Variants in RCVRN observed in about 807,000 individuals in gnomAD.
RCVRN encodes cancer associated retinopathy antigen.
Under a neutral mutation model 20.4 loss-of-function variants are expected in RCVRN, and 23 were observed. The ratio of observed to expected loss-of-function variants is 1.13; its 90% CI spans 0.81 to 1.60. The LOEUF is 1.60. Ranked by LOEUF, RCVRN falls within the 40% of genes most tolerant of loss-of-function variation. The probability of loss-of-function intolerance (pLI) is 0.00; values close to 1 mark genes in which losing one functional copy is unlikely to be tolerated. For synonymous variants in RCVRN, 105 were observed against 105.9 expected (o/e 0.99, Z 0.05); for missense variants, 254 against 254.2 (o/e 1.00, Z 0.00).
rs1434363873 is a variant in RCVRN, at chr17:9,897,345, C to T, written c.*750G>A. ...CATGCCTCAGCGGCTCTGTGTTGGC[C>T]GCCTTCTGTTTGAGACTTCCCCACC... On this transcript the variant is annotated 3_prime_UTR_variant, in exon 3 of 3. Transcript: ENST00000226193. 2.0e-5 allele frequency: 3 copies of T among 152,008 alleles called. No individual in the cohort carries two copies. The highest frequency in any genetic ancestry group is 1.3e-4 in the Admixed American group (2 of 15,254). 9.4% of individuals were successfully genotyped at this position (152,008 alleles called of 1,614,324 possible).
In RCVRN at chr17:9,897,727, T is replaced by G; in HGVS notation, c.*368A>C. The G allele has an allele frequency of 5.6e-6, 1 of 179,402 alleles. No homozygotes were observed. Among genetic ancestry groups the G allele is most frequent in the Non-Finnish European group, 1.2e-5 (1 of 85,462 alleles). The allele number at this position is 179,402 out of a possible 1,614,324, so 11.1% of individuals were successfully genotyped here. On this transcript the variant is annotated 3_prime_UTR_variant, in exon 3 of 3. Coordinates refer to ENST00000226193, the MANE Select transcript of RCVRN (RefSeq NM_002903.3). ...GCCACGTGCCCAGCTCAGCTTGCGTTTATTGGAAACTGCTTACCCAGCACT... is the reference window on the plus strand; with the variant it reads ...GCCACGTGCCCAGCTCAGCTTGCGTGTATTGGAAACTGCTTACCCAGCACT...
intron 1 of RCVRN, among the ~76,000 whole-genome samples, chr17:9,901,643 C>A (rs1016244366): frequency 1.3e-5 from 2 of 152,182 alleles, no homozygotes; most frequent in Non-Finnish European, 2.9e-5. Flanking sequence ...CTGAGCTGGA[C>A]GCCAGTGTAG....
At chr17:9,903,558 T>G (rs2067350349) in intron 1 of RCVRN, among the ~76,000 whole-genome samples, 1 of 152,368 alleles carries the variant, frequency 6.6e-6, no homozygotes, top group Admixed American at 6.5e-5. Flanking sequence ...AAGCATATTG[T>G]GTGTTTAGAA....
intron 2 of RCVRN, among the ~76,000 whole-genome samples, chr17:9,898,734 G>C (rs1045989821): frequency 2.6e-5 from 4 of 152,088 alleles, no homozygotes; most frequent in Non-Finnish European, 5.9e-5. Flanking sequence ...ATGCCAGGGG[G>C]AGTGTGGCTT....
chr17:9,898,099 G>A lies in RCVRN; in HGVS notation c.599C>T (p.Ala200Val), dbSNP rs1040016432. 7 of 1,611,096 alleles carry A rather than the reference G, an allele frequency of 4.3e-6. No homozygotes were observed. The East Asian group carries it at 1.6e-4, about 36-fold the overall frequency. ...AGGACAGCTGAACAGTTGGCATCAG[G>A]CGTTCTTCATCTTTTCCTTCACTTT... is the stretch of plus-strand genomic sequence containing the variant. ...PQKVKEKMKN[A>V] Residue 200 changes from alanine to valine, a missense_variant, in exon 3 of 3, where the codon GCC (alanine) becomes GTC (valine). Transcript: ENST00000226193.
chr17:9,900,305 A>C (rs1289281388), intron 2 of RCVRN, among the ~76,000 whole-genome samples: 2 of 152,146 alleles, frequency 1.3e-5, no homozygotes, highest in Admixed American at 6.6e-5. Context: ...CGAGTGCTGG[A>C]GTCCATCACT....
At chr17:9,903,999 G>C (rs2067352065) in intron 1 of RCVRN, among the ~76,000 whole-genome samples, 1 of 152,232 alleles carries the variant, frequency 6.6e-6, no homozygotes, top group Non-Finnish European at 1.5e-5. Context: ...CCAGCACTTT[G>C]GGAGGCTGAG....
Position 9,896,432 on chromosome 17 carries a change from A to T in RCVRN, c.*1663T>A, listed in dbSNP as rs2067317592. 6.6e-6 allele frequency: 1 copy of T among 152,232 alleles called. No homozygotes were observed. Among genetic ancestry groups the T allele is most frequent in the Non-Finnish European group, 1.5e-5 (1 of 68,044 alleles). The allele number at this position is 152,232 out of a possible 1,614,324, so 9.4% of individuals were successfully genotyped here. The stretch of plus-strand genomic sequence containing the variant: ...AAGTGGGGTCTGGAGGCATCACCAC[A>T]ATACCAGCAACTAGAGACTCCTCAG... On this transcript the variant is annotated 3_prime_UTR_variant, in exon 3 of 3. Coordinates refer to ENST00000226193, the MANE Select transcript of RCVRN (RefSeq NM_002903.3).
At chr17:9,902,011 CTTCT>C (rs2067343781) in intron 1 of RCVRN, among the ~76,000 whole-genome samples, 1 of 151,900 alleles carries the variant, frequency 6.6e-6, no homozygotes, top group Non-Finnish European at 1.5e-5. Context: ...CCTTTCCTTT[CTTCT>C]TTCTTCCTTT....
chr17:9,904,719 T>TCTGCAGCAG lies in RCVRN; in HGVS notation c.381+72_381+80dup, dbSNP rs2067355551. ...CCGCTCCACCCACAGATCCACTCCC[T>TCTGCAGCAG]CTGCAGCAGCTGCAGCAGGGGACCC... On this transcript the variant is annotated intron_variant, in intron 1 of 2. Transcript: ENST00000226193. The surrounding 1 kb of genome is among the most constrained non-coding windows in gnomAD (Gnocchi z 5.8). 6.7e-7 allele frequency: 1 copy of TCTGCAGCAG among 1,485,050 alleles called. No individual in the cohort carries two copies. Among genetic ancestry groups the TCTGCAGCAG allele is most frequent in the East Asian group, 2.3e-5 (1 of 44,164 alleles). 92.0% of individuals were successfully genotyped at this position (1,485,050 alleles called of 1,614,324 possible).
rs1036228219 is a variant in RCVRN, at chr17:9,904,642, C to T, written c.381+158G>A. 6.6e-5 allele frequency among the ~76,000 whole-genome samples: 10 copies of T among 152,236 alleles called. No homozygotes were observed. The highest frequency in any genetic ancestry group is 2.4e-4 in the African/African-American group (10 of 41,452). Reference sequence around the variant, plus strand: ...TGTGGGCAAGTGCCCACCCCTCTATCAATATCAGCATCTCGGAGCACCACG... The same window carrying T: ...TGTGGGCAAGTGCCCACCCCTCTATTAATATCAGCATCTCGGAGCACCACG... On this transcript the variant is annotated intron_variant, in intron 1 of 2. Coordinates refer to ENST00000226193, the MANE Select transcript of RCVRN (RefSeq NM_002903.3). This position sits in a 1 kb window ranked among gnomAD's most constrained non-coding sequence, Gnocchi z 5.8.
rs374679231 is a variant in RCVRN at position 9,905,214 on chromosome 17, G to T, written c.-34C>A. The T allele has an allele frequency of 3.2e-5, 50 of 1,567,668 alleles. No individual in the cohort carries two copies. Among genetic ancestry groups the T allele is most frequent in the Admixed American group, 8.9e-5 (5 of 56,318 alleles). The stretch of plus-strand genomic sequence containing the variant: ...AAGAGTGGGCAGCGGCTGGGGAGTC[G>T]CTGGGTGGGTGGGACGTGCGTGGTC... On this transcript the variant is annotated 5_prime_UTR_variant, in exon 1 of 3. Transcript: ENST00000226193.
rs1194850629 is a variant in RCVRN, at chr17:9,898,041, C to T, written c.*54G>A. 4 of 1,174,636 alleles carry T rather than the reference C, an allele frequency of 3.4e-6. No homozygotes were observed. Among genetic ancestry groups the T allele is most frequent in the Non-Finnish European group, 3.8e-6 (3 of 779,426 alleles). 72.8% of individuals were successfully genotyped at this position (1,174,636 alleles called of 1,614,324 possible). ...GCATGTGTGTGTGTGTGCACAGGCGCTCACGGGTGTCATGTGAGTGGTAGG... is the reference window on the plus strand; with the variant it reads ...GCATGTGTGTGTGTGTGCACAGGCGTTCACGGGTGTCATGTGAGTGGTAGG... On this transcript the variant is annotated 3_prime_UTR_variant, in exon 3 of 3. Coordinates refer to ENST00000226193, the MANE Select transcript of RCVRN (RefSeq NM_002903.3).
rs7207923 is a variant in RCVRN, at chr17:9,904,196, G to A, written c.381+604C>T. On this transcript the variant is annotated intron_variant, in intron 1 of 2. Coordinates refer to ENST00000226193, the MANE Select transcript of RCVRN (RefSeq NM_002903.3). This position sits in a 1 kb window ranked among gnomAD's most constrained non-coding sequence, Gnocchi z 5.8. ...GCAGAGGTTGCAGTGAGCCAAGATCGCACTATTGCACTCCAGCTCTGGGCT... is the reference window on the plus strand; with the variant it reads ...GCAGAGGTTGCAGTGAGCCAAGATCACACTATTGCACTCCAGCTCTGGGCT... 4.9e-3 allele frequency among the ~76,000 whole-genome samples: 743 copies of A among 152,238 alleles called. 4 individuals carry two copies. The highest frequency in any genetic ancestry group is 0.017 in the African/African-American group (696 of 41,528).
chr17:9,901,725 G>A (rs573449569), intron 1 of RCVRN, among the ~76,000 whole-genome samples: 71 of 152,350 alleles, frequency 4.7e-4, no homozygotes, highest in African/African-American at 1.6e-3. Flanking sequence ...CTAGAAGCTG[G>A]CAGTGAGTGC....
Position 9,898,139 on chromosome 17 carries a change from G to A in RCVRN, c.559C>T (p.Gln187Ter), listed in dbSNP as rs866561333. Residue 187 changes from glutamine to a stop codon, truncating the protein, a stop_gained, in exon 3 of 3, where the codon CAG becomes TAG. Transcript: ENST00000226193. LOFTEE classifies it high-confidence loss of function. ...LANKEILRLI[Q>*]FEPQKVKEKM... ...TCCTTCACTTTTTGAGGCTCAAACT[G>A]GATCAGTCGCAGAATTTCCTTATTG... 3.7e-6 allele frequency: 6 copies of A among 1,613,860 alleles called. No individual in the cohort carries two copies. The highest frequency in any genetic ancestry group is 5.1e-6 in the Non-Finnish European group (6 of 1,179,892).
At position 9,905,267 on chromosome 17, in the gene RCVRN, G is replaced by C; in HGVS notation, c.-87C>G. On this transcript the variant is annotated 5_prime_UTR_variant, in exon 1 of 3. Transcript: ENST00000226193. ...CTGGCCGCAGGCTGGGCTCAAGGCT[G>C]GTGTGAGCTGAAGACCGAGATGCTG... is the stretch of plus-strand genomic sequence containing the variant. 7.2e-7 allele frequency: 1 copy of C among 1,388,610 alleles called. No individual in the cohort carries two copies. Among genetic ancestry groups the C allele is most frequent in the African/African-American group, 1.4e-5 (1 of 69,410 alleles). The allele number at this position is 1,388,610 out of a possible 1,614,324, so 86.0% of individuals were successfully genotyped here.
At position 9,897,121 on chromosome 17, in the gene RCVRN, A is replaced by G. The variant is rs553946622; in HGVS notation, c.*974T>C. ...CCTGCTGGGGACTTCTCTTACAAAC[A>G]TAAACCCCTCCTACTTCCAACTCCA... On this transcript the variant is annotated 3_prime_UTR_variant, in exon 3 of 3. Transcript: ENST00000226193. 6.6e-6 allele frequency: 1 copy of G among 152,246 alleles called. No homozygotes were observed. The highest frequency in any genetic ancestry group is 1.5e-5 in the Non-Finnish European group (1 of 68,164). The allele number at this position is 152,246 out of a possible 1,614,324, so 9.4% of individuals were successfully genotyped here.
rs2067355584 is a variant in RCVRN at position 9,904,731 on chromosome 17, G to C, written c.381+69C>G. 10 of 1,540,174 alleles carry C rather than the reference G, an allele frequency of 6.5e-6. No individual in the cohort carries two copies. The highest frequency in any genetic ancestry group is 8.8e-6 in the Non-Finnish European group (10 of 1,133,404). On this transcript the variant is annotated intron_variant, in intron 1 of 2. Transcript: ENST00000226193. The surrounding 1 kb of genome is among the most constrained non-coding windows in gnomAD (Gnocchi z 5.8). ...CAGATCCACTCCCTCTGCAGCAGCTGCAGCAGGGGACCCCCAGCCCGGAGC... is the reference window on the plus strand; with the variant it reads ...CAGATCCACTCCCTCTGCAGCAGCTCCAGCAGGGGACCCCCAGCCCGGAGC...
Sources: allele counts gnomAD v4.1 joint callset (sites outside exome capture counted in the v4.1 genomes callset), GRCh38; gene constraint gnomAD v4.1.1; non-coding constraint Gnocchi (gnomAD v3.1); transcripts MANE v1.5; gene names NCBI Gene and HGNC (gene_info 2026-07-23, HGNC 2026-07-21).